Variants in ADGRA1 observed in about 807,000 individuals in gnomAD.
ADGRA1 encodes the protein G-protein coupled receptor 123.
In ADGRA1, 12 loss-of-function variants were observed where a neutral mutation model predicts 21.3. That is an observed-to-expected ratio of 0.56 (90% CI 0.36 to 0.91). ADGRA1 has a LOEUF of 0.91. Among genes scored for constraint, ADGRA1 ranks in the 40% least tolerant of loss-of-function variants. The pLI is 0.01. For missense variants in ADGRA1, 790 were observed against 805.6 expected (o/e 0.98, Z 0.23); for synonymous variants, 385 against 368.8 (o/e 1.04, Z -0.50).
At chr10:133,093,175 C>A (rs1290541652) in intron 2 of ADGRA1, 1 of 1,595,344 alleles carries the variant, frequency 6.3e-7, no homozygotes, top group South Asian at 1.1e-5. Context: ...GACACCTCAC[C>A]CGCAGGGAGG....
intron 4 of ADGRA1, among the ~76,000 whole-genome samples, chr10:133,100,590 C>A (rs1341660764): frequency 6.6e-6 from 1 of 152,196 alleles, no homozygotes; most frequent in Non-Finnish European, 1.5e-5. Flanking sequence ...CAGAGGGTTG[C>A]AATCTTGGAG....
intron 5 of ADGRA1, among the ~76,000 whole-genome samples, chr10:133,105,699 A>AG (rs1408281165): frequency 6.6e-6 from 1 of 152,154 alleles, no homozygotes; most frequent in African/African-American, 2.4e-5. Flanking sequence ...TGGTCAGCAG[A>AG]GGGGGCGGAC....
chr10:133,095,142 G>A (rs947215474), intron 2 of ADGRA1, among the ~76,000 whole-genome samples: 1 of 152,166 alleles, frequency 6.6e-6, no homozygotes, highest in African/African-American at 2.4e-5. Flanking sequence ...GCTGATCTCT[G>A]GGGGAAGCAG....
rs1344542330 is a variant in ADGRA1 at position 133,123,717 on chromosome 10, C to A, written c.402-3516C>A. Among the ~76,000 whole-genome samples, 21 of 49,012 alleles carry A rather than the reference C, an allele frequency of 4.3e-4. 1 individual carries two copies. The highest frequency in any genetic ancestry group is 4.2e-3 in the Admixed American group (21 of 4,990). The allele number at this position is 49,012 out of a possible 152,430, so 32.2% of individuals were successfully genotyped here. On this transcript the variant is annotated intron_variant, in intron 5 of 6. Coordinates refer to ENST00000392607, the MANE Select transcript of ADGRA1 (RefSeq NM_001083909.3). The stretch of plus-strand genomic sequence containing the variant: ...GTTGTGGGGAGGACTGCCTCCCTCC[C>A]CCCCCCCGGCACCTTCTGGGGCTGC...
At chr10:133,119,996 G>T (rs1396974342) in intron 5 of ADGRA1, among the ~76,000 whole-genome samples, 3 of 152,228 alleles carry the variant, frequency 2.0e-5, no homozygotes, top group Non-Finnish European at 4.4e-5. Context: ...TTAGCCCCTA[G>T]CAAGAGAGTC....
At chr10:133,124,877 G>T (rs978551894) in intron 5 of ADGRA1, among the ~76,000 whole-genome samples, 1 of 152,214 alleles carries the variant, frequency 6.6e-6, no homozygotes, top group Non-Finnish European at 1.5e-5. Flanking sequence ...CGTCCACGGC[G>T]GTGACTGCCC....
intron 5 of ADGRA1, among the ~76,000 whole-genome samples, chr10:133,124,464 G>A (rs916800794): frequency 2.6e-5 from 4 of 152,184 alleles, no homozygotes; most frequent in African/African-American, 7.2e-5. Context: ...GGCCTGACTC[G>A]CGGAAATCAC....
intron 2 of ADGRA1, among the ~76,000 whole-genome samples, chr10:133,093,999 C>T (rs1004275300): frequency 4.6e-5 from 7 of 152,290 alleles, no homozygotes; most frequent in African/African-American, 1.7e-4. Context: ...AATCACACAT[C>T]TGTTTCTTAT....
chr10:133,090,493 G>A lies in ADGRA1; in HGVS notation c.3+1581G>A, dbSNP rs185050253. On this transcript the variant is annotated intron_variant, in intron 2 of 6. Transcript: ENST00000392607. ...GAGAAAATCTCTGAAAGTGTGAGGA[G>A]TTGCCCTCCCGTGCTGCATCAGTCT... Among the ~76,000 whole-genome samples, 5 of 152,348 alleles carry A rather than the reference G, an allele frequency of 3.3e-5. No individual in the cohort carries two copies. The East Asian group carries it at 9.6e-4, about 29-fold the overall frequency.
Position 133,130,072 on chromosome 10 carries a change from A to T in ADGRA1, c.*561A>T, listed in dbSNP as rs535490780. ...TCCCCAGCATTCTCGCTCTGGGCAG[A>T]ACCCTCGGGACCCTCCGCTGTCGTG... On this transcript the variant is annotated 3_prime_UTR_variant, in exon 7 of 7. Transcript: ENST00000392607. 3.9e-5 allele frequency: 6 copies of T among 155,436 alleles called. No homozygotes were observed. The South Asian group carries it at 1.2e-3, about 31-fold the overall frequency. The allele number at this position is 155,436 out of a possible 1,614,324, so 9.6% of individuals were successfully genotyped here.
At position 133,116,271 on chromosome 10, in the gene ADGRA1, G is replaced by A. The variant is rs1852156797; in HGVS notation, c.402-10962G>A. On this transcript the variant is annotated intron_variant, in intron 5 of 6. Transcript: ENST00000392607. ...AACCGAGCTGATCCGCAGGGCCTGTGCCTTCGCCTATAACAGTCCCTCGGC... is the reference window on the plus strand; with the variant it reads ...AACCGAGCTGATCCGCAGGGCCTGTACCTTCGCCTATAACAGTCCCTCGGC... Among the ~76,000 whole-genome samples, 3 of 152,290 alleles carry A rather than the reference G, an allele frequency of 2.0e-5. No individual in the cohort carries two copies. The South Asian group carries it at 6.2e-4, about 32-fold the overall frequency.
intron 5 of ADGRA1, among the ~76,000 whole-genome samples, chr10:133,113,196 C>T (rs1197389659): frequency 2.3e-5 from 2 of 85,474 alleles, no homozygotes; most frequent in East Asian, 5.7e-4. Flanking sequence ...GTCTGTAAGC[C>T]GCGTCGGTTA....
chr10:133,127,075 G>A (rs983590989), intron 5 of ADGRA1, among the ~76,000 whole-genome samples, 158 bp from the exon 6 acceptor site: 5 of 142,294 alleles, frequency 3.5e-5, no homozygotes, highest in African/African-American at 9.9e-5. Context: ...TCGGTCAGTG[G>A]TCGGGGGTCG....
At chr10:133,118,837 G>C (rs1852202070) in intron 5 of ADGRA1, among the ~76,000 whole-genome samples, 1 of 151,948 alleles carries the variant, frequency 6.6e-6, no homozygotes, top group Non-Finnish European at 1.5e-5. Context: ...AACTGAACCT[G>C]TACCACCTCT....
intron 2 of ADGRA1, among the ~76,000 whole-genome samples, chr10:133,089,722 G>A (rs527364446): frequency 3.2e-4 from 48 of 152,366 alleles, no homozygotes; most frequent in Middle Eastern, 6.8e-3. Context: ...AGGAGCCATC[G>A]GTCTGAGTCA....
chr10:133,107,840 C>T (rs1210551250), intron 5 of ADGRA1, among the ~76,000 whole-genome samples: 4 of 152,230 alleles, frequency 2.6e-5, no homozygotes, highest in Non-Finnish European at 5.9e-5. Flanking sequence ...TGTGCTGCAA[C>T]TTTTAGTGTC....
intron 5 of ADGRA1, among the ~76,000 whole-genome samples, chr10:133,118,942 G>T (rs558845241): frequency 6.6e-6 from 1 of 151,524 alleles, no homozygotes; most frequent in Admixed American, 6.6e-5. Flanking sequence ...TTGCACACAT[G>T]TGCACACACA....
chr10:133,126,856 G>A (rs2135910488), intron 5 of ADGRA1, among the ~76,000 whole-genome samples: 1 of 152,304 alleles, frequency 6.6e-6, no homozygotes, highest in African/African-American at 2.4e-5. Context: ...GAGGGGCCAT[G>A]ACCTGGGGAC....
In ADGRA1 at chr10:133,129,974, G is replaced by C. The variant is rs1028791451; in HGVS notation, c.*463G>C. 2.3e-5 allele frequency: 4 copies of C among 173,930 alleles called. No individual in the cohort carries two copies. The highest frequency in any genetic ancestry group is 2.4e-3 in the Middle Eastern group (1 of 410). 10.8% of individuals were successfully genotyped at this position (173,930 alleles called of 1,614,324 possible). ...GGCAGGGCCGAGATCGCAGGAGGGG[G>C]CTGCCCTGACCTTTCCCAGTGTTCA... On this transcript the variant is annotated 3_prime_UTR_variant, in exon 7 of 7. Coordinates refer to ENST00000392607, the MANE Select transcript of ADGRA1 (RefSeq NM_001083909.3).
Sources: gnomAD v4.1 joint callset for allele counts (sites outside exome capture counted in the v4.1 genomes callset) on GRCh38, gnomAD v4.1.1 for gene constraint, MANE v1.5 for transcripts, NCBI Gene and HGNC (gene_info 2026-07-23, HGNC 2026-07-21) for gene names.